CFAP144: variants seen among roughly 807,000 people sequenced by gnomAD.
CFAP144 encodes the protein cilia- and flagella-associated protein 144.
the CFAP144 span, chr1:43,156,181 T>C: frequency 1.2e-6 from 2 of 1,608,022 alleles, no homozygotes; most frequent in Non-Finnish European, 1.7e-6. Context: ...CAGGCTTCTT[T>C]CTGATTCTGC....
chr1:43,155,008 A>C, the CFAP144 span, among the ~76,000 whole-genome samples: 1 of 152,222 alleles, frequency 6.6e-6, no homozygotes, highest in Admixed American at 6.5e-5. Flanking sequence ...AAGGGTGATC[A>C]GATATTAAAG....
the CFAP144 span, among the ~76,000 whole-genome samples, chr1:43,154,863 A>G: frequency 2.0e-5 from 3 of 148,766 alleles, no homozygotes; most frequent in Non-Finnish European, 4.4e-5. Flanking sequence ...TGACGGAAAA[A>G]TACTAGGAGG....
At chr1:43,143,490 G>A in the CFAP144 span, among the ~76,000 whole-genome samples, 13 of 151,998 alleles carry the variant, frequency 8.6e-5, no homozygotes, top group Admixed American at 2.6e-4. Context: ...GAATAGGTGA[G>A]CAAAGGGACT....
the CFAP144 span, among the ~76,000 whole-genome samples, chr1:43,143,103 C>T: frequency 6.6e-6 from 1 of 152,078 alleles, no homozygotes; most frequent in Non-Finnish European, 1.5e-5. Flanking sequence ...TCCTCTCTCT[C>T]CTCTCACGAC....
the CFAP144 span, among the ~76,000 whole-genome samples, chr1:43,155,643 A>C: frequency 6.6e-6 from 1 of 152,224 alleles, no homozygotes. Flanking sequence ...TTCAGAATGA[A>C]GTAGCTGGGC....
the CFAP144 span, among the ~76,000 whole-genome samples, chr1:43,154,093 TA>T: frequency 1.5e-5 from 2 of 136,536 alleles, no homozygotes; most frequent in African/African-American, 5.6e-5. Context: ...TATATATATA[TA>T]TATATACTCT....
chr1:43,143,918 C>T, the CFAP144 span, among the ~76,000 whole-genome samples: 4 of 152,224 alleles, frequency 2.6e-5, no homozygotes. Flanking sequence ...TGCTTTGTCA[C>T]CCCCTGCCCA....
At chr1:43,149,046 G>T in the CFAP144 span, among the ~76,000 whole-genome samples, 1 of 152,076 alleles carries the variant, frequency 6.6e-6, no homozygotes, top group Admixed American at 6.5e-5. Context: ...GCCTGGATTG[G>T]TCTGATGGGC....
chr1:43,148,137 A>G, the CFAP144 span: 118,521 of 1,563,286 alleles, frequency 0.076, 7,326 homozygotes, highest in East Asian at 0.27. Flanking sequence ...GCGCCGGGGA[A>G]GGAGGAGCCC....
chr1:43,144,759 C>G, the CFAP144 span, among the ~76,000 whole-genome samples: 1 of 152,140 alleles, frequency 6.6e-6, no homozygotes, highest in Non-Finnish European at 1.5e-5. Flanking sequence ...TTCCATTACA[C>G]CCCTGCCTTT....
the CFAP144 span, chr1:43,148,135 G>A: frequency 6.3e-7 from 1 of 1,575,238 alleles, no homozygotes; most frequent in South Asian, 1.1e-5. Context: ...GGGCGCCGGG[G>A]AAGGAGGAGC....
chr1:43,143,503 T>TGATTTG, the CFAP144 span, among the ~76,000 whole-genome samples: 1 of 151,628 alleles, frequency 6.6e-6, no homozygotes, highest in South Asian at 2.1e-4. Flanking sequence ...AAGGGACTTA[T>TGATTTG]GATTTGGATG....
chr1:43,148,026 C>A, the CFAP144 span: 4 of 1,613,906 alleles, frequency 2.5e-6, no homozygotes, highest in South Asian at 4.4e-5. Context: ...AACTGTACCT[C>A]AAGGAGCTAC....
chr1:43,144,754 T>C, the CFAP144 span, among the ~76,000 whole-genome samples: 259 of 152,200 alleles, frequency 1.7e-3, 1 homozygote, highest in African/African-American at 5.4e-3. Context: ...CCAATTTCCA[T>C]TACACCCCTG....
chr1:43,153,396 G>T, the CFAP144 span, among the ~76,000 whole-genome samples: 1 of 152,106 alleles, frequency 6.6e-6, no homozygotes. Flanking sequence ...GATCACCTGA[G>T]GTCAAGAGTT....
the CFAP144 span, chr1:43,150,872 TGGCTG>T: frequency 6.8e-7 from 1 of 1,481,166 alleles, no homozygotes; most frequent in Non-Finnish European, 9.3e-7. Context: ...AGAGGCAGGC[TGGCTG>T]GAGAGACCTC....
At chr1:43,154,103 C>G in the CFAP144 span, among the ~76,000 whole-genome samples, 1 of 111,068 alleles carries the variant, frequency 9.0e-6, no homozygotes, top group Non-Finnish European at 2.0e-5. Flanking sequence ...TATATATACT[C>G]TCTTTTTATA....
the CFAP144 span, among the ~76,000 whole-genome samples, chr1:43,153,563 C>T: frequency 0.063 from 9,515 of 151,846 alleles, 660 homozygotes; most frequent in African/African-American, 0.18. Context: ...GGGCCGAGAT[C>T]ACGCCATTGC....
the CFAP144 span, among the ~76,000 whole-genome samples, chr1:43,146,145 G>T: frequency 4.6e-5 from 7 of 152,312 alleles, no homozygotes; most frequent in South Asian, 1.5e-3. Flanking sequence ...AATATTAATA[G>T]TTCTGCCCAC....
Sources: allele counts gnomAD v4.1 joint callset (sites outside exome capture counted in the v4.1 genomes callset), GRCh38; gene constraint gnomAD v4.1.1; transcripts MANE v1.5; gene names NCBI Gene and HGNC (gene_info 2026-07-23, HGNC 2026-07-21).